The following FAT1 variants were observed in gnomAD, a reference collection of about 807,000 sequenced individuals.
FAT1 encodes protocadherin Fat 1.
FAT1 carries 171 observed loss-of-function variants against 329.8 expected under a neutral mutation model. The observed-to-expected ratio is 0.52, with a 90% CI of 0.46 to 0.59. The LOEUF (loss-of-function observed/expected upper bound fraction) is 0.59, where lower values mean the gene tolerates loss of function less well. Among genes scored for constraint, FAT1 ranks in the 20% least tolerant of loss-of-function variants. The pLI is 0.00. For missense variants in FAT1, 5,672 were observed against 5,774.4 expected (o/e 0.98, Z 0.57); for synonymous variants, 2,233 against 2,228.6 (o/e 1.00, Z -0.06).
intron 14 of FAT1, among the ~76,000 whole-genome samples, chr4:186,610,675 A>G (rs1739387543): frequency 1.8e-5 from 1 of 56,326 alleles, no homozygotes; most frequent in South Asian, 3.7e-4. Flanking sequence ...TATAATTTAT[A>G]TAAATATAAA....
rs777747135 is a variant in FAT1 at position 186,604,376 on chromosome 4, C to A, written c.10548+1G>T. 6.2e-7 allele frequency: 1 copy of A among 1,610,596 alleles called. No individual in the cohort carries two copies. The highest frequency in any genetic ancestry group is 8.5e-7 in the Non-Finnish European group (1 of 1,178,162). On this transcript the variant is annotated splice_donor_variant, in intron 18 of 26. Coordinates refer to ENST00000441802, the MANE Select transcript of FAT1 (RefSeq NM_005245.4). LOFTEE classifies it high-confidence loss of function. ...CAAACCACAAAGAAAGCCATTCATA[C>A]CTTCACCTGCAGTAAGTAATGATCT...
rs373045351 is a variant in FAT1 at position 186,620,422 on chromosome 4, T to G, written c.6164A>C (p.Glu2055Ala). The G allele has an allele frequency of 1.7e-5, 28 of 1,614,032 alleles. No homozygotes were observed. Among genetic ancestry groups the G allele is most frequent in the African/African-American group, 2.7e-5 (2 of 75,054 alleles). Residue 2055 changes from glutamate (E) to alanine (A), a missense_variant, in exon 10 of 27, where the codon GAG becomes GCG. Physicochemically the swap from Glu to Ala is moderately radical, Grantham distance 107. Coordinates refer to ENST00000441802, the MANE Select transcript of FAT1 (RefSeq NM_005245.4). ...GGCCACTGCAGAAGGCTTATGTTCCTCTGTCACTTCTACAACCACATCAAA... is the reference window on the plus strand; with the variant it reads ...GGCCACTGCAGAAGGCTTATGTTCCGCTGTCACTTCTACAACCACATCAAA... ...EAFDVVVEVT[E>A]EHKPSAVAHV...
intron 3 of FAT1, among the ~76,000 whole-genome samples, chr4:186,643,966 A>T (rs1204141486): frequency 6.6e-6 from 1 of 152,222 alleles, no homozygotes; most frequent in Non-Finnish European, 1.5e-5. Context: ...GCCAAATCCC[A>T]GAAAGATATA....
intron 2 of FAT1, among the ~76,000 whole-genome samples, chr4:186,684,050 A>G (rs563825951): frequency 1.3e-5 from 2 of 152,320 alleles, no homozygotes; most frequent in African/African-American, 2.4e-5. Flanking sequence ...AAATAATTGA[A>G]TAAGTAAATT....
At position 186,588,533 on chromosome 4, in the gene FAT1, G is replaced by A. The variant is rs778036756; in HGVS notation, c.*59C>T. The A allele has an allele frequency of 1.5e-4, 236 of 1,549,102 alleles. No homozygotes were observed. The highest frequency in any genetic ancestry group is 2.4e-4 in the Middle Eastern group (1 of 4,188). ...GAAGCACTGCTGCAAAGAACAGCGC[G>A]GATTACTCACATCACCTCTAGGTTC... On this transcript the variant is annotated 3_prime_UTR_variant, in exon 27 of 27. Coordinates refer to ENST00000441802, the MANE Select transcript of FAT1 (RefSeq NM_005245.4).
At chr4:186,605,484 T>G (rs1403991654) in intron 17 of FAT1, among the ~76,000 whole-genome samples, 397 of 38,736 alleles carry the variant, frequency 0.01, no homozygotes, top group African/African-American at 0.011. Flanking sequence ...AGAGGAGGAG[T>G]GGAGAAGAGG....
chr4:186,636,544 C>A (rs754569855), intron 5 of FAT1, 41 bp downstream of exon 5: 1 of 1,522,832 alleles, frequency 6.6e-7, no homozygotes, highest in South Asian at 1.3e-5. Context: ...GGTTTATAGT[C>A]ACAACATATG....
chr4:186,692,043 C>A (rs552445367), intron 2 of FAT1, among the ~76,000 whole-genome samples: 24 of 151,972 alleles, frequency 1.6e-4, no homozygotes, highest in African/African-American at 5.8e-4. Context: ...TTAAAGAAGG[C>A]CACAAGTTTG....
intron 2 of FAT1, among the ~76,000 whole-genome samples, chr4:186,676,890 A>G (rs1407087915): frequency 6.6e-6 from 1 of 152,190 alleles, no homozygotes; most frequent in East Asian, 1.9e-4. Flanking sequence ...AACCCTAAGA[A>G]TCATATGCAA....
In FAT1 at chr4:186,648,608, T is replaced by G. The variant is rs191523698; in HGVS notation, c.3581-8825A>C. The stretch of plus-strand genomic sequence containing the variant: ...AGCCCAAATCCTGTACCTTAAAACA[T>G]GAGGAAATGAGGTCTAGGCATGTGG... On this transcript the variant is annotated intron_variant, in intron 3 of 26. Transcript: ENST00000441802. 1.4e-4 allele frequency among the ~76,000 whole-genome samples: 21 copies of G among 152,262 alleles called. No homozygotes were observed. In the East Asian group the frequency reaches 3.9e-3, roughly 28 times the overall value.
At chr4:186,673,065 A>G (rs1191134694) in intron 2 of FAT1, among the ~76,000 whole-genome samples, 1 of 152,238 alleles carries the variant, frequency 6.6e-6, no homozygotes, top group Non-Finnish European at 1.5e-5. Flanking sequence ...AGAAATTGAG[A>G]GAAAAATATA....
rs1745569364 is a variant in FAT1, at chr4:186,723,686, G to C, written c.-41C>G. ...AACCGCAAAGTTGGCCCGAAGTGGCGACGGCGCTCTCGTGGAGCTCACCCG... is the reference window on the plus strand; with the variant it reads ...AACCGCAAAGTTGGCCCGAAGTGGCCACGGCGCTCTCGTGGAGCTCACCCG... On this transcript the variant is annotated 5_prime_UTR_variant, in exon 1 of 27. Transcript: ENST00000441802. 6.6e-6 allele frequency: 1 copy of C among 151,010 alleles called. No homozygotes were observed. The highest frequency in any genetic ancestry group is 1.5e-5 in the Non-Finnish European group (1 of 67,808). 9.4% of individuals were successfully genotyped at this position (151,010 alleles called of 1,614,324 possible).
At position 186,723,801 on chromosome 4, in the gene FAT1, T is replaced by TCCCGCGCCCTCTCCCCGCG. The variant is rs1745583507; in HGVS notation, c.-175_-157dup. On this transcript the variant is annotated 5_prime_UTR_variant, in exon 1 of 27. Transcript: ENST00000441802. ...GCATGGTACCTGCCGCACGAGCCGC[T>TCCCGCGCCCTCTCCCCGCG]CCCGCGCCCTCTCCCCGCGCCCGGC... The TCCCGCGCCCTCTCCCCGCG allele has an allele frequency of 6.7e-6, 1 of 149,556 alleles. No individual in the cohort carries two copies. Among genetic ancestry groups the TCCCGCGCCCTCTCCCCGCG allele is most frequent in the South Asian group, 2.1e-4 (1 of 4,774 alleles). The allele number at this position is 149,556 out of a possible 1,614,324, so 9.3% of individuals were successfully genotyped here.
chr4:186,617,356 T>G (rs887446269), intron 10 of FAT1, among the ~76,000 whole-genome samples, 155 bp from the exon 11 acceptor site: 1 of 152,226 alleles, frequency 6.6e-6, no homozygotes, highest in Non-Finnish European at 1.5e-5. Context: ...CCTTCCAATT[T>G]ACAAAAACAA....
chr4:186,659,209 T>C (rs1742052324), intron 3 of FAT1, among the ~76,000 whole-genome samples: 1 of 152,202 alleles, frequency 6.6e-6, no homozygotes, highest in Non-Finnish European at 1.5e-5. Context: ...GGGTGTGTAG[T>C]AGGCTAGACC....
chr4:186,687,664 T>C (rs1283405894), intron 2 of FAT1, among the ~76,000 whole-genome samples: 1 of 152,174 alleles, frequency 6.6e-6, no homozygotes, highest in Admixed American at 6.5e-5. Flanking sequence ...ATAATGCGTA[T>C]ATCTCAAAAT....
Position 186,709,004 on chromosome 4 carries a change from A to T in FAT1, c.824T>A (p.Ile275Asn), listed in dbSNP as rs575792050. Reference sequence around the variant, plus strand: ...CTGATCGCAGTCATCCACTGTCACAATTGCATATGCTGGGTCCCTGTCCAG... The same window carrying T: ...CTGATCGCAGTCATCCACTGTCACATTTGCATATGCTGGGTCCCTGTCCAG... ...SELDRDPAYAIVTVDDCDQGA... is the reference protein window; with the variant it reads ...SELDRDPAYANVTVDDCDQGA... Residue 275 changes from isoleucine to asparagine, a missense_variant, in exon 2 of 27, where the codon ATT becomes AAT. Ile to Asn is a moderately radical substitution (Grantham distance 149, BLOSUM62 -3). Around this residue, in one of 2 missense-constraint regions of FAT1, gnomAD observed 3,966 missense variants for 3,915.2 expected, o/e 1.01. Coordinates refer to ENST00000441802, the MANE Select transcript of FAT1 (RefSeq NM_005245.4). The T allele has an allele frequency of 6.2e-7, 1 of 1,613,958 alleles. No individual in the cohort carries two copies. The highest frequency in any genetic ancestry group is 8.5e-7 in the Non-Finnish European group (1 of 1,179,886).
Position 186,603,682 on chromosome 4 carries a change from C to G in FAT1, c.10844G>C (p.Ser3615Thr), listed in dbSNP as rs760567897. The G allele has an allele frequency of 6.2e-7, 1 of 1,613,888 alleles. No homozygotes were observed. The highest frequency in any genetic ancestry group is 8.5e-7 in the Non-Finnish European group (1 of 1,179,906). ...LDIGQYLLNV[S>T]VTDGKFTTVA... ...CGTCGTGAACTTCCCATCTGTTACG[C>G]TGACATTGAGAAGGTATTGCCCTAT... The change falls in exon 19 of 27, where the codon AGC becomes ACC. Residue 3615 changes from serine (S) to threonine (T), a missense_variant. Physicochemically the swap from Ser to Thr is moderately conservative, Grantham distance 58 (BLOSUM62 1). Transcript: ENST00000441802.
intron 3 of FAT1, among the ~76,000 whole-genome samples, chr4:186,647,431 TCTGATTCCAGAGTCCAAGCTCTTAATTCA>T (rs1260785134): frequency 1.3e-5 from 2 of 152,216 alleles, no homozygotes; most frequent in Non-Finnish European, 2.9e-5. Flanking sequence ...CCCAAGTCTG[TCTGATTCCAGAGTCCAAGCTCTTAATTCA>T]CATAGACAAC....
Sources: gnomAD v4.1 joint callset for allele counts (sites outside exome capture counted in the v4.1 genomes callset) on GRCh38, gnomAD v4.1.1 for gene constraint, gnomAD v4.1.1 regional missense constraint, MANE v1.5 for transcripts, NCBI Gene and HGNC (gene_info 2026-07-23, HGNC 2026-07-21) for gene names.